Variants in CTNND2 observed in about 807,000 individuals in gnomAD.
CTNND2 encodes the protein catenin delta-2.
In CTNND2, 22 loss-of-function variants were observed where a neutral mutation model predicts 144.4. That is an observed-to-expected ratio of 0.15 (90% confidence interval 0.11 to 0.22). CTNND2 has a LOEUF of 0.22. Ranked by LOEUF, CTNND2 falls within the 10% of genes least tolerant of loss-of-function variation. The probability of loss-of-function intolerance (pLI) is 1.00; values close to 1 mark genes in which losing one functional copy is unlikely to be tolerated. For synonymous variants in CTNND2, 751 were observed against 695.6 expected (o/e 1.08, Z -1.25); for missense variants, 1,353 against 1,618.8 (o/e 0.84, Z 2.82).
chr5:11,192,168 G>C (rs1736334368), intron 11 of CTNND2, among the ~76,000 whole-genome samples: 1 of 152,204 alleles, frequency 6.6e-6, no homozygotes, highest in Admixed American at 6.5e-5. Flanking sequence ...CTAAAGAAGA[G>C]ACAATGGGAA....
intron 3 of CTNND2, among the ~76,000 whole-genome samples, chr5:11,500,367 T>C (rs1455138165): frequency 6.6e-6 from 1 of 152,136 alleles, no homozygotes; most frequent in African/African-American, 2.4e-5. Flanking sequence ...TTAAAATAAA[T>C]AATCCCTTTC....
intron 9 of CTNND2, among the ~76,000 whole-genome samples, chr5:11,271,251 T>A (rs1408721715): frequency 6.6e-6 from 1 of 152,186 alleles, no homozygotes; most frequent in Non-Finnish European, 1.5e-5. Flanking sequence ...TACCACCCAC[T>A]AATGGATCAC....
Position 11,020,143 on chromosome 5 carries a change from G to A in CTNND2, c.3000-2085C>T, listed in dbSNP as rs370849432. On this transcript the variant is annotated intron_variant, in intron 17 of 21. Transcript: ENST00000304623. ...AACACTAGCCCCCTTGGTTGTGTCC[G>A]CCAGACGCTGTGAGTTGTGCAGTTC... is the stretch of plus-strand genomic sequence containing the variant. 1.5e-4 allele frequency among the ~76,000 whole-genome samples: 23 copies of A among 152,210 alleles called. No individual in the cohort carries two copies. The East Asian group carries it at 3.1e-3, about 20-fold the overall frequency.
At chr5:11,389,444 G>A (rs938407418) in intron 6 of CTNND2, among the ~76,000 whole-genome samples, 4 of 152,014 alleles carry the variant, frequency 2.6e-5, no homozygotes, top group African/African-American at 4.8e-5. Context: ...GTTTCAGATG[G>A]GTCAGATTTA....
Position 11,294,682 on chromosome 5 carries a change from G to A in CTNND2, c.1628+51690C>T, listed in dbSNP as rs536375650. The stretch of plus-strand genomic sequence containing the variant: ...GGGATGCAAGGCTGGTTCAACATAC[G>A]CAAATCAATAAACGTAATCCAGCAT... On this transcript the variant is annotated intron_variant, in intron 9 of 21. Transcript: ENST00000304623. Among the ~76,000 whole-genome samples, 9 of 151,902 alleles carry A rather than the reference G, an allele frequency of 5.9e-5. No individual in the cohort carries two copies. The South Asian group carries it at 1.3e-3, about 21-fold the overall frequency.
intron 20 of CTNND2, among the ~76,000 whole-genome samples, chr5:10,983,692 A>G (rs932157537): frequency 9.2e-5 from 14 of 152,240 alleles, no homozygotes; most frequent in Admixed American, 3.9e-4. Context: ...CGAAGGCCCA[A>G]CTTCCACTCT....
At chr5:11,243,612 T>C (rs1408570211) in intron 9 of CTNND2, among the ~76,000 whole-genome samples, 1 of 152,214 alleles carries the variant, frequency 6.6e-6, no homozygotes, top group Non-Finnish European at 1.5e-5. Context: ...TATGCAAATG[T>C]AACCTTTTCT....
At chr5:11,173,281 G>A (rs1203776903) in intron 11 of CTNND2, among the ~76,000 whole-genome samples, 1 of 152,230 alleles carries the variant, frequency 6.6e-6, no homozygotes, top group Non-Finnish European at 1.5e-5. Flanking sequence ...CCTCTGCTGT[G>A]CCCCTAGGGC....
intron 16 of CTNND2, among the ~76,000 whole-genome samples, chr5:11,069,490 G>A (rs1311768174): frequency 3.3e-5 from 5 of 152,200 alleles, no homozygotes; most frequent in Admixed American, 3.3e-4. Context: ...AGAGGAGAGA[G>A]TGTCCAACTG....
chr5:11,429,578 A>G (rs1429414092), intron 3 of CTNND2, among the ~76,000 whole-genome samples: 1 of 152,112 alleles, frequency 6.6e-6, no homozygotes, highest in African/African-American at 2.4e-5. Context: ...AATCCTCATC[A>G]CCTAATGTGC....
chr5:11,120,490 G>T (rs111894607), intron 12 of CTNND2, among the ~76,000 whole-genome samples: 1 of 107,960 alleles, frequency 9.3e-6, no homozygotes, highest in Non-Finnish European at 2.0e-5. Flanking sequence ...GGGTTATCAT[G>T]CTGTCCGCAG....
At chr5:11,474,755 T>C (rs1372992496) in intron 3 of CTNND2, among the ~76,000 whole-genome samples, 2 of 152,350 alleles carry the variant, frequency 1.3e-5, no homozygotes, top group African/African-American at 2.4e-5. Flanking sequence ...GATGTCATTA[T>C]ATGCATTCAA....
intron 16 of CTNND2, among the ~76,000 whole-genome samples, chr5:11,053,469 C>T (rs947998415): frequency 6.6e-6 from 1 of 152,124 alleles, no homozygotes; most frequent in Non-Finnish European, 1.5e-5. Context: ...ATACATTTTC[C>T]CTGAGATTTT....
At chr5:11,496,132 T>C (rs776590155) in intron 3 of CTNND2, among the ~76,000 whole-genome samples, 4 of 152,300 alleles carry the variant, frequency 2.6e-5, no homozygotes, top group South Asian at 4.2e-4. Context: ...TGTCTCTCCT[T>C]ACCTGGATAA....
chr5:11,285,942 T>TTAATAAGAGAGCACTTAAATCCAAA (rs1554021074), intron 9 of CTNND2, among the ~76,000 whole-genome samples: 1 of 152,214 alleles, frequency 6.6e-6, no homozygotes, highest in Admixed American at 6.5e-5. Context: ...AGAGCATAGG[T>TTAATAAGAGAGCACTTAAATCCAAA]GGATGCAGAT....
chr5:11,455,609 G>A (rs1765668791), intron 3 of CTNND2, among the ~76,000 whole-genome samples: 1 of 152,178 alleles, frequency 6.6e-6, no homozygotes, highest in South Asian at 2.1e-4. Flanking sequence ...AGCTCTCTGG[G>A]AGTCAATTCC....
chr5:11,379,459 C>T (rs1296262618), intron 7 of CTNND2, among the ~76,000 whole-genome samples: 4 of 152,050 alleles, frequency 2.6e-5, no homozygotes, highest in Non-Finnish European at 5.9e-5. Flanking sequence ...CCATAAGCTT[C>T]AGTTTTTAAA....
At chr5:11,879,352 T>TATATATATATATATATATATATATAC (rs1553988803) in intron 1 of CTNND2, among the ~76,000 whole-genome samples, 4 of 137,204 alleles carry the variant, frequency 2.9e-5, no homozygotes, top group African/African-American at 1.1e-4. Flanking sequence ...TATATATATA[T>TATATATATATATATATATATATATAC]ATATACATAT....
chr5:11,367,085 T>C (rs1270243447), intron 7 of CTNND2, among the ~76,000 whole-genome samples: 1 of 152,252 alleles, frequency 6.6e-6, no homozygotes, highest in Non-Finnish European at 1.5e-5. Context: ...TAGAGGGCTC[T>C]GAGTAAAACT....
Sources: gnomAD v4.1 joint callset for allele counts (sites outside exome capture counted in the v4.1 genomes callset) on GRCh38, gnomAD v4.1.1 for gene constraint, MANE v1.5 for transcripts, NCBI Gene and HGNC (gene_info 2026-07-23, HGNC 2026-07-21) for gene names.